Variants in SGK1 observed in about 807,000 individuals in gnomAD.
SGK1 encodes serine/threonine-protein kinase Sgk1.
In SGK1, 26 loss-of-function variants were observed where a neutral mutation model predicts 64.2. The ratio of observed to expected loss-of-function variants is 0.40; its 90% confidence interval spans 0.30 to 0.56. The LOEUF (loss-of-function observed/expected upper bound fraction) is 0.56, where lower values mean the gene tolerates loss of function less well. Ranked by LOEUF, SGK1 falls within the 20% of genes least tolerant of loss-of-function variation. SGK1 has a pLI of 0.38. For synonymous variants in SGK1, 265 were observed against 239.7 expected, an observed-to-expected ratio of 1.11 and a Z score of -0.98; for missense variants, 519 against 645.6, an observed-to-expected ratio of 0.80 and a Z score of 2.12.
chr6:134,241,048 C>CTTTTT (rs10686058), intron 2 of SGK1, among the ~76,000 whole-genome samples: 6 of 74,114 alleles, frequency 8.1e-5, no homozygotes, highest in African/African-American at 2.1e-4. Context: ...TTCTTTTTTT[C>CTTTTT]TTTTTTTTTT....
At chr6:134,172,935 C>G in intron 8 of SGK1, 88 bp downstream of exon 8, 1 of 1,472,838 alleles carries the variant, frequency 6.8e-7, no homozygotes, top group Non-Finnish European at 9.3e-7. Context: ...TTCTCCCCAC[C>G]AAAAATCTTT....
At chr6:134,229,177 A>C (rs1231565249) in intron 2 of SGK1, among the ~76,000 whole-genome samples, 2 of 152,244 alleles carry the variant, frequency 1.3e-5, no homozygotes, top group African/African-American at 4.8e-5. Context: ...CCTGCAGAAG[A>C]GAGATACTAG....
intron 1 of SGK1, among the ~76,000 whole-genome samples, chr6:134,280,180 C>A (rs1163862032): frequency 3.0e-5 from 4 of 131,590 alleles, no homozygotes; most frequent in Non-Finnish European, 3.1e-5. Context: ...GGGCAACAGG[C>A]AGAATGAGAC....
chr6:134,212,680 A>G (rs1233495682), intron 2 of SGK1, among the ~76,000 whole-genome samples: 1 of 152,206 alleles, frequency 6.6e-6, no homozygotes, highest in Admixed American at 6.6e-5. Context: ...ATTTCCACAT[A>G]CAAGTAATTA....
At chr6:134,221,857 C>T (rs1215581345) in intron 2 of SGK1, among the ~76,000 whole-genome samples, 4 of 151,864 alleles carry the variant, frequency 2.6e-5, no homozygotes, top group Middle Eastern at 3.2e-3. Flanking sequence ...TTCACCATGT[C>T]GGCCAGGTTG....
At chr6:134,213,851 G>A (rs12208037) in intron 2 of SGK1, among the ~76,000 whole-genome samples, 9,228 of 151,802 alleles carry the variant, frequency 0.061, 370 homozygotes, top group Non-Finnish European at 0.089. Context: ...GGGCAAAAAC[G>A]TGATATAATA....
At chr6:134,315,284 C>A (rs537990755) in intron 1 of SGK1, among the ~76,000 whole-genome samples, 35 of 152,246 alleles carry the variant, frequency 2.3e-4, no homozygotes, top group Admixed American at 1.2e-3. Flanking sequence ...AGTTAACTGT[C>A]CTTGAGGAGT....
In SGK1 at chr6:134,170,804, TAGAAG is replaced by T; in HGVS notation, c.1413+17_1413+21del. The T allele has an allele frequency of 6.8e-7, 1 of 1,474,384 alleles. No homozygotes were observed. The highest frequency in any genetic ancestry group is 1.4e-5 in the African/African-American group (1 of 72,036). The allele number at this position is 1,474,384 out of a possible 1,614,324, so 91.3% of individuals were successfully genotyped here. A position where few individuals can be genotyped will look rare whatever the true frequency, so the allele number is the denominator to read the frequency against. On this transcript the variant is annotated intron_variant, in intron 13 of 13. Coordinates refer to ENST00000367858, the MANE Select transcript of SGK1 (RefSeq NM_001143676.3). ...AATGCCCTTTGGGCTTCTCTATACTTAGAAGAGAGACAGATACTCACCACATTTGG... is the reference window on the plus strand; with the variant it reads ...AATGCCCTTTGGGCTTCTCTATACTTAGAGACAGATACTCACCACATTTGG...
At chr6:134,174,394 A>T in intron 4 of SGK1, 117 bp downstream of exon 4, 1 of 699,156 alleles carries the variant, frequency 1.4e-6, no homozygotes, top group Admixed American at 2.8e-5. Context: ...TTAAGGAGAA[A>T]TGAGATCCCC....
intron 3 of SGK1, among the ~76,000 whole-genome samples, chr6:134,206,803 G>C (rs186473898): frequency 2.6e-4 from 39 of 149,402 alleles, no homozygotes; most frequent in Middle Eastern, 3.5e-3. Flanking sequence ...GGAGGTGGAG[G>C]TTGCAGTGAG....
chr6:134,266,649 C>T (rs375549813), intron 1 of SGK1, among the ~76,000 whole-genome samples: 1 of 152,038 alleles, frequency 6.6e-6, no homozygotes, highest in South Asian at 2.1e-4. Flanking sequence ...AGTTTACTAT[C>T]CTAAAGTTAA....
Position 134,170,305 on chromosome 6 carries a change from C to T in SGK1, c.1544G>A (p.Gly515Asp). ...GTCCGTGGGAGGCGCATAGGAAAAGCCTAGGAAAGCCTCGGCAGCTTCCTT... is the reference window on the plus strand; with the variant it reads ...GTCCGTGGGAGGCGCATAGGAAAAGTCTAGGAAAGCCTCGGCAGCTTCCTT... Reference protein sequence around the residue: ...SVKEAAEAFLGFSYAPPTDSF... With the variant: ...SVKEAAEAFLDFSYAPPTDSF... The change falls in exon 14 of 14, where the codon GGC (glycine) becomes GAC (aspartate). Residue 515 changes from glycine to aspartate, a missense_variant. This residue lies in a region of SGK1 where 278 missense variants were observed against 408.7 expected (regional missense o/e 0.68). Coordinates refer to ENST00000367858, the MANE Select transcript of SGK1 (RefSeq NM_001143676.3). 6.2e-7 allele frequency: 1 copy of T among 1,613,764 alleles called. No homozygotes were observed. The highest frequency in any genetic ancestry group is 8.5e-7 in the Non-Finnish European group (1 of 1,179,774).
At chr6:134,251,246 G>A (rs1776601274) in intron 2 of SGK1, among the ~76,000 whole-genome samples, 1 of 152,030 alleles carries the variant, frequency 6.6e-6, no homozygotes, top group South Asian at 2.1e-4. Context: ...AAAATGAATT[G>A]GCATGCAGTT....
At position 134,232,473 on chromosome 6, in the gene SGK1, AAG is replaced by A. The variant is rs766770696; in HGVS notation, c.286-25044_286-25043del. On this transcript the variant is annotated intron_variant, in intron 2 of 13. Transcript: ENST00000367858. ...AAAGAAAGAAAGAAAGAAAGAAAGA[AAG>A]AAAGAAAGAGAAAGAAAAAGAAAAG... Among the ~76,000 whole-genome samples, 3 of 96,106 alleles carry A rather than the reference AAG, an allele frequency of 3.1e-5. No individual in the cohort carries two copies. The East Asian group carries it at 8.7e-4, about 28-fold the overall frequency. The allele number at this position is 96,106 out of a possible 152,430, so 63.0% of individuals were successfully genotyped here.
Position 134,258,106 on chromosome 6 carries a change from A to T in SGK1, c.285+3827T>A, listed in dbSNP as rs1465118931. 2.1e-5 allele frequency among the ~76,000 whole-genome samples: 3 copies of T among 144,412 alleles called. No homozygotes were observed. The Admixed American group carries it at 2.1e-4, about 10-fold the overall frequency. 94.7% of individuals were successfully genotyped at this position (144,412 alleles called of 152,430 possible). On this transcript the variant is annotated intron_variant, in intron 2 of 13. Transcript: ENST00000367858. ...ATCCCTATAAAAACACAAAATATAG[A>T]TTTTTTTTTTTTTTGAGACAGGGTC... is the stretch of plus-strand genomic sequence containing the variant.
At chr6:134,233,032 G>A (rs535969565) in intron 2 of SGK1, among the ~76,000 whole-genome samples, 1 of 150,086 alleles carries the variant, frequency 6.7e-6, no homozygotes, top group Admixed American at 6.7e-5. Context: ...ATATCTCTAA[G>A]TTTATCTATC....
intron 1 of SGK1, among the ~76,000 whole-genome samples, chr6:134,317,058 AC>A (rs1390047592): frequency 2.0e-5 from 3 of 152,224 alleles, no homozygotes; most frequent in Non-Finnish European, 2.9e-5. Flanking sequence ...TGACTAAATT[AC>A]TAGCCATAAT....
chr6:134,173,013 C>CAGGAGGGGGG lies in SGK1; in HGVS notation c.834+9_834+10insCCCCCCTCCT, dbSNP rs1162464130. The CAGGAGGGGGG allele has an allele frequency of 6.2e-7, 1 of 1,608,006 alleles. No homozygotes were observed. The highest frequency in any genetic ancestry group is 1.3e-5 in the African/African-American group (1 of 74,756). On this transcript the variant is annotated intron_variant, in intron 8 of 13. Coordinates refer to ENST00000367858, the MANE Select transcript of SGK1 (RefSeq NM_001143676.3). ...GACACTAAGAGTTGACTTCTATCCC[C>CAGGAGGGGGG]CCTGCTCACCTCTCCACCATTAATG...
chr6:134,185,106 A>G (rs541459422), intron 3 of SGK1, among the ~76,000 whole-genome samples: 1 of 152,306 alleles, frequency 6.6e-6, no homozygotes, highest in African/African-American at 2.4e-5. Flanking sequence ...CCCTCTATGG[A>G]CGATATCATA....
Sources: allele counts gnomAD v4.1 joint callset (sites outside exome capture counted in the v4.1 genomes callset), GRCh38; gene constraint gnomAD v4.1.1; regional missense constraint gnomAD v4.1.1; transcripts MANE v1.5; gene names NCBI Gene and HGNC (gene_info 2026-07-23, HGNC 2026-07-21).